PDE4D: variants seen among roughly 807,000 people sequenced by gnomAD.
PDE4D encodes phosphodiesterase 4D, also known as 3',5'-cyclic-AMP phosphodiesterase 4D.
In PDE4D, 24 loss-of-function variants were observed where a neutral mutation model predicts 87.4. The ratio of observed to expected loss-of-function variants is 0.27; its 90% CI spans 0.20 to 0.39. The LOEUF is 0.39. Ranked by LOEUF, PDE4D falls within the 10% of genes least tolerant of loss-of-function variation. PDE4D has a pLI of 1.00. For synonymous variants in PDE4D, 384 were observed against 383.2 expected, an observed-to-expected ratio of 1.00 and a Z score of -0.02; for missense variants, 714 against 1,041.0, an observed-to-expected ratio of 0.69 and a Z score of 4.32.
chr5:60,167,072 C>T (rs1243269365), intron 2 of PDE4D, among the ~76,000 whole-genome samples: 2 of 152,098 alleles, frequency 1.3e-5, no homozygotes, highest in African/African-American at 4.8e-5. Context: ...ACCTTCCTGA[C>T]CTGAATACTT....
intron 3 of PDE4D, among the ~76,000 whole-genome samples, chr5:59,191,755 G>A (rs1047936848): frequency 6.6e-6 from 1 of 152,044 alleles, no homozygotes. Context: ...ATTTTTAGTA[G>A]AGACAGGGTT....
intron 6 of PDE4D, among the ~76,000 whole-genome samples, chr5:59,019,246 T>C (rs1754624229): frequency 6.6e-6 from 1 of 152,108 alleles, no homozygotes; most frequent in Non-Finnish European, 1.5e-5. Flanking sequence ...CACTATCCTA[T>C]TTCAGGCCCT....
intron 1 of PDE4D, among the ~76,000 whole-genome samples, chr5:59,603,058 T>C (rs967964607): frequency 6.6e-6 from 1 of 151,824 alleles, no homozygotes. Context: ...AAGACATAAA[T>C]GTAAGAATAG....
At chr5:59,161,793 C>T (rs1293624402) in intron 5 of PDE4D, among the ~76,000 whole-genome samples, 1 of 152,192 alleles carries the variant, frequency 6.6e-6, no homozygotes, top group Non-Finnish European at 1.5e-5. Context: ...GAACTATTTT[C>T]CAGTTCCTTC....
intron 1 of PDE4D, among the ~76,000 whole-genome samples, chr5:59,494,443 A>G (rs1438806564): frequency 2.0e-5 from 3 of 152,138 alleles, no homozygotes; most frequent in Non-Finnish European, 4.4e-5. Context: ...AGATCTGTCA[A>G]CCTAAGCAAA....
chr5:59,800,001 C>T (rs1405994049), intron 1 of PDE4D, among the ~76,000 whole-genome samples: 1 of 152,162 alleles, frequency 6.6e-6, no homozygotes, highest in Non-Finnish European at 1.5e-5. Flanking sequence ...ACTTTTAACA[C>T]TCCCTCACTG....
At chr5:59,492,153 A>G (rs1338933110) in intron 1 of PDE4D, among the ~76,000 whole-genome samples, 1 of 152,108 alleles carries the variant, frequency 6.6e-6, no homozygotes, top group Non-Finnish European at 1.5e-5. Flanking sequence ...ATGTTGCATC[A>G]CCTCTTTCTT....
chr5:60,404,694 TGACAACAG>T (rs1166104623), intron 1 of PDE4D, among the ~76,000 whole-genome samples: 1 of 152,204 alleles, frequency 6.6e-6, no homozygotes, highest in Non-Finnish European at 1.5e-5. Flanking sequence ...ACAGAAGAAT[TGACAACAG>T]GAAAGTTGTT....
intron 6 of PDE4D, among the ~76,000 whole-genome samples, chr5:59,026,681 G>C (rs1005734775): frequency 6.6e-6 from 1 of 151,850 alleles, no homozygotes; most frequent in African/African-American, 2.4e-5. Flanking sequence ...CCTGAGGTGG[G>C]AGACATAGGA....
chr5:60,030,046 T>G (rs549418425), intron 2 of PDE4D, among the ~76,000 whole-genome samples: 1 of 152,226 alleles, frequency 6.6e-6, no homozygotes, highest in South Asian at 2.1e-4. Flanking sequence ...CATCAACCAT[T>G]GATGCCTAAA....
intron 1 of PDE4D, among the ~76,000 whole-genome samples, chr5:60,328,687 A>G (rs1327268110): frequency 6.6e-6 from 1 of 152,230 alleles, no homozygotes; most frequent in East Asian, 1.9e-4. Context: ...CAGAAATGAA[A>G]TAGCTAGTAC....
intron 1 of PDE4D, among the ~76,000 whole-genome samples, chr5:59,549,173 G>T (rs1201047310): frequency 6.6e-6 from 1 of 152,138 alleles, no homozygotes; most frequent in African/African-American, 2.4e-5. Context: ...CATGACGTCT[G>T]CCAGGTTAAG....
At chr5:59,796,786 TAATATTTAGATGCCA>T (rs1297540158) in intron 1 of PDE4D, among the ~76,000 whole-genome samples, 2 of 152,202 alleles carry the variant, frequency 1.3e-5, no homozygotes, top group Non-Finnish European at 2.9e-5. Flanking sequence ...GAAAACAGCA[TAATATTTAGATGCCA>T]AATGTGATCA....
intron 1 of PDE4D, among the ~76,000 whole-genome samples, chr5:59,507,664 C>CAAAAAAAAAAAAAAAAAAAAAAAAAA (rs1284106865): frequency 1.3e-5 from 1 of 79,834 alleles, no homozygotes; most frequent in African/African-American, 5.2e-5. Context: ...TACCCTGTCT[C>CAAAAAAAAAAAAAAAAAAAAAAAAAA]AAAAAAAAAA....
chr5:59,188,148 C>T (rs1244840287), intron 3 of PDE4D, among the ~76,000 whole-genome samples: 2 of 152,102 alleles, frequency 1.3e-5, no homozygotes, highest in Non-Finnish European at 2.9e-5. Flanking sequence ...GAACTGTAGT[C>T]AAAGCTTTAA....
At chr5:59,574,089 TATATAA>T (rs1561240906) in intron 1 of PDE4D, among the ~76,000 whole-genome samples, 739 of 4,062 alleles carry the variant, frequency 0.18, 26 homozygotes, top group African/African-American at 0.28. Context: ...TATATTTATA[TATATAA>T]ATATATATTT....
intron 1 of PDE4D, among the ~76,000 whole-genome samples, chr5:59,674,915 T>G (rs1002467287): frequency 1.3e-5 from 2 of 152,234 alleles, no homozygotes; most frequent in Non-Finnish European, 2.9e-5. Flanking sequence ...TCTTGAAATG[T>G]TGCAGAGGAA....
At chr5:60,260,088 G>A (rs959359760) in intron 1 of PDE4D, among the ~76,000 whole-genome samples, 1 of 151,750 alleles carries the variant, frequency 6.6e-6, no homozygotes, top group Non-Finnish European at 1.5e-5. Context: ...AATCTATTTA[G>A]GTTCATTTAA....
chr5:60,335,169 G>C (rs753774589), intron 1 of PDE4D: 5 of 152,346 alleles, frequency 3.3e-5, no homozygotes, highest in East Asian at 3.9e-4. Flanking sequence ...AGTTAAAGTG[G>C]GGAGGACAGA....
Sources: allele counts gnomAD v4.1 joint callset (sites outside exome capture counted in the v4.1 genomes callset), GRCh38; gene constraint gnomAD v4.1.1; transcripts MANE v1.5; gene names NCBI Gene and HGNC (gene_info 2026-07-23, HGNC 2026-07-21).